SLC14A2: variants seen among roughly 807,000 people sequenced by gnomAD.
SLC14A2 encodes urea transporter 2.
Under a neutral mutation model 104.6 loss-of-function variants are expected in SLC14A2, and 91 were observed. That is an observed-to-expected ratio of 0.87 (90% CI 0.73 to 1.04). SLC14A2 has a LOEUF of 1.04. Among genes scored for constraint, SLC14A2 ranks in the 50% least tolerant of loss-of-function variants. The probability of loss-of-function intolerance (pLI) is 0.00; values close to 1 mark genes in which losing one functional copy is unlikely to be tolerated. For synonymous variants in SLC14A2, 476 were observed against 466.4 expected (o/e 1.02, Z -0.27); for missense variants, 1,189 against 1,156.0 (o/e 1.03, Z -0.41).
intron 1 of SLC14A2, among the ~76,000 whole-genome samples, chr18:45,255,870 CCGCCCTTTACCT>C (rs2084472311): frequency 6.6e-6 from 1 of 152,178 alleles, no homozygotes; most frequent in South Asian, 2.1e-4. Flanking sequence ...GGCAGCTCCT[CCGCCCTTTACCT>C]CTCAGAAACC....
chr18:45,620,644 AT>A (rs376773880), intron 1 of SLC14A2, among the ~76,000 whole-genome samples: 16 of 151,242 alleles, frequency 1.1e-4, no homozygotes, highest in East Asian at 3.9e-4. Context: ...AAGTAGACAC[AT>A]TTTTTTTTCA....
chr18:45,468,517 C>T (rs1394235196), intron 1 of SLC14A2, among the ~76,000 whole-genome samples: 3 of 151,896 alleles, frequency 2.0e-5, no homozygotes, highest in Non-Finnish European at 4.4e-5. Context: ...TGGTCTTGGA[C>T]TCGTGACTTT....
intron 2 of SLC14A2, among the ~76,000 whole-genome samples, chr18:45,517,391 T>C (rs1470562298): frequency 1.3e-5 from 2 of 152,210 alleles, no homozygotes; most frequent in East Asian, 3.9e-4. Context: ...CCCCTCCCAA[T>C]AGATAATTAC....
intron 2 of SLC14A2, among the ~76,000 whole-genome samples, chr18:45,587,742 AC>A (rs558558771): frequency 1.3e-5 from 2 of 152,284 alleles, no homozygotes; most frequent in Admixed American, 1.3e-4. Flanking sequence ...CTGGCCTAAG[AC>A]CACCCAGCTA....
intron 6 of SLC14A2, 46 bp downstream of exon 6, chr18:45,637,228 C>T: frequency 6.6e-7 from 1 of 1,510,116 alleles, no homozygotes; most frequent in Non-Finnish European, 9.1e-7. Flanking sequence ...TATTCCACTG[C>T]AGACCTTCTC....
At chr18:45,577,321 G>A (rs1007552097) in intron 2 of SLC14A2, among the ~76,000 whole-genome samples, 2 of 151,682 alleles carry the variant, frequency 1.3e-5, no homozygotes, top group Non-Finnish European at 2.9e-5. Context: ...CTCCAGGAAG[G>A]AGCTATCTTG....
chr18:45,517,371 C>T (rs889790424), intron 2 of SLC14A2, among the ~76,000 whole-genome samples: 1 of 152,164 alleles, frequency 6.6e-6, no homozygotes, highest in South Asian at 2.1e-4. Flanking sequence ...CCAGGCTGAC[C>T]TCAGCCTCCC....
chr18:45,579,093 G>A (rs1162774155), intron 2 of SLC14A2, among the ~76,000 whole-genome samples: 1 of 43,058 alleles, frequency 2.3e-5, no homozygotes, highest in East Asian at 4.4e-4. Flanking sequence ...GAAAGCAGAA[G>A]CTGCAAGGCC....
At chr18:45,562,315 G>C (rs4890547) in intron 2 of SLC14A2, among the ~76,000 whole-genome samples, 70,483 of 152,136 alleles carry the variant, frequency 0.46, 16,483 homozygotes, top group Non-Finnish European at 0.49. Flanking sequence ...TGACCTGATA[G>C]AGAAGAGCTG....
intron 1 of SLC14A2, among the ~76,000 whole-genome samples, chr18:45,315,760 G>C (rs896450804): frequency 1.3e-5 from 2 of 152,176 alleles, no homozygotes; most frequent in Non-Finnish European, 2.9e-5. Flanking sequence ...TCACATAGTA[G>C]TTCTCTCCTT....
chr18:45,442,091 T>C (rs887008378), intron 1 of SLC14A2, among the ~76,000 whole-genome samples: 4 of 152,166 alleles, frequency 2.6e-5, no homozygotes, highest in Admixed American at 2.0e-4. Context: ...CAACACAATT[T>C]CCCGTACCTG....
the SLC14A2 span, among the ~76,000 whole-genome samples, chr18:45,174,531 C>A: frequency 6.6e-6 from 1 of 152,036 alleles, no homozygotes; most frequent in Admixed American, 6.6e-5. Context: ...CTGCCAGAAT[C>A]ACCGCTTAAA....
intron 1 of SLC14A2, among the ~76,000 whole-genome samples, chr18:45,296,247 G>A (rs182371717): frequency 3.3e-5 from 5 of 152,266 alleles, no homozygotes; most frequent in African/African-American, 9.6e-5. Context: ...TAAAGGAGAG[G>A]GGAACCTCCG....
intron 2 of SLC14A2, among the ~76,000 whole-genome samples, chr18:45,532,846 G>C (rs537161032): frequency 6.5e-4 from 99 of 152,226 alleles, no homozygotes; most frequent in African/African-American, 2.2e-3. Context: ...GTCATAGATA[G>C]CTCATATTAT....
intron 1 of SLC14A2, among the ~76,000 whole-genome samples, chr18:45,367,153 A>C (rs985261800): frequency 6.6e-6 from 1 of 152,224 alleles, no homozygotes; most frequent in Non-Finnish European, 1.5e-5. Context: ...TTGGAGTAAG[A>C]GAAATGTTAG....
At chr18:45,563,986 A>C (rs570720186) in intron 2 of SLC14A2, among the ~76,000 whole-genome samples, 302 of 152,286 alleles carry the variant, frequency 2.0e-3, no homozygotes, top group African/African-American at 6.9e-3. Flanking sequence ...GAATTTATGA[A>C]ACTTACTAAC....
intron 2 of SLC14A2, among the ~76,000 whole-genome samples, chr18:45,540,203 C>G (rs1226944311): frequency 6.6e-6 from 1 of 152,172 alleles, no homozygotes; most frequent in Non-Finnish European, 1.5e-5. Context: ...GTGGGCAGGA[C>G]CTCCCAGCCC....
At chr18:45,285,566 C>T (rs774303084) in intron 1 of SLC14A2, among the ~76,000 whole-genome samples, 5 of 151,974 alleles carry the variant, frequency 3.3e-5, no homozygotes, top group South Asian at 2.1e-4. Context: ...TACAGGCACG[C>T]GTCACCACAC....
At chr18:45,378,634 G>A (rs538206299) in intron 1 of SLC14A2, among the ~76,000 whole-genome samples, 446 of 152,286 alleles carry the variant, frequency 2.9e-3, no homozygotes, top group Non-Finnish European at 5.3e-3. Flanking sequence ...TTGTATTACC[G>A]TTCCTGCTGT....
Sources: allele counts gnomAD v4.1 joint callset (sites outside exome capture counted in the v4.1 genomes callset), GRCh38; gene constraint gnomAD v4.1.1; transcripts MANE v1.5; gene names NCBI Gene and HGNC (gene_info 2026-07-23, HGNC 2026-07-21).